Variants in GAST observed in about 807,000 individuals in gnomAD.
The protein encoded by GAST is gastrin.
Under a neutral mutation model 12.5 loss-of-function variants are expected in GAST, and 9 were observed. The ratio of observed to expected loss-of-function variants is 0.72; its 90% confidence interval spans 0.43 to 1.25. The LOEUF (loss-of-function observed/expected upper bound fraction) is 1.25. Among genes scored for constraint, GAST ranks in the 50% most tolerant of loss-of-function variants. The probability of loss-of-function intolerance (pLI) is 0.00; values close to 1 mark genes in which losing one functional copy is unlikely to be tolerated. For missense variants in GAST, 121 were observed against 127.7 expected, an observed-to-expected ratio of 0.95 and a Z score of 0.25; for synonymous variants, 52 against 51.1, an observed-to-expected ratio of 1.02 and a Z score of -0.08.
intron 1 of GAST, among the ~76,000 whole-genome samples, chr17:41,714,320 A>ACG (rs1910920395): frequency 2.0e-5 from 3 of 152,016 alleles, no homozygotes; most frequent in African/African-American, 7.2e-5. Flanking sequence ...ATACAGGTGC[A>ACG]TGCCACCATG....
chr17:41,714,541 G>A (rs1910925480), intron 1 of GAST, among the ~76,000 whole-genome samples: 1 of 152,142 alleles, frequency 6.6e-6, no homozygotes, highest in Non-Finnish European at 1.5e-5. Flanking sequence ...GGAGGCTGAG[G>A]CGGGAGGATT....
chr17:41,715,441 A>C lies in GAST; in HGVS notation c.5A>C (p.Gln2Pro), dbSNP rs1567773769. M[Q>P]RLCVYVLIFA... ...CTTCTCCCCTTTGCAGACGAGATGC[A>C]GCGACTGTGTGTGTATGTGCTGATC... Residue 2 changes from glutamine to proline, a missense_variant, in exon 2 of 3, where the codon CAG (glutamine) becomes CCG (proline). Physicochemically the swap from Gln to Pro is moderately conservative, Grantham distance 76. Transcript: ENST00000329402. 4 of 1,608,964 alleles carry C rather than the reference A, an allele frequency of 2.5e-6. No individual in the cohort carries two copies. The highest frequency in any genetic ancestry group is 3.4e-6 in the Non-Finnish European group (4 of 1,176,104).
At chr17:41,715,097 G>A (rs1468341702) in intron 1 of GAST, among the ~76,000 whole-genome samples, 15 of 152,016 alleles carry the variant, frequency 9.9e-5, no homozygotes, top group Admixed American at 2.6e-4. Context: ...TCAGGAGTTC[G>A]AGACCAGCCT....
intron 1 of GAST, among the ~76,000 whole-genome samples, chr17:41,713,877 T>C (rs1555585500): frequency 1.3e-5 from 2 of 152,224 alleles, no homozygotes; most frequent in Non-Finnish European, 2.9e-5. Flanking sequence ...TTGAATTTTA[T>C]GTTTGTTTGA....
At chr17:41,713,847 T>A (rs1323748015) in intron 1 of GAST, among the ~76,000 whole-genome samples, 1 of 152,018 alleles carries the variant, frequency 6.6e-6, no homozygotes, top group Non-Finnish European at 1.5e-5. Context: ...AAATAGTGAG[T>A]CCAGGGAATA....
chr17:41,713,832 T>A (rs1041040140), intron 1 of GAST, among the ~76,000 whole-genome samples: 1 of 152,216 alleles, frequency 6.6e-6, no homozygotes, highest in Non-Finnish European at 1.5e-5. Context: ...ACCAAAAGCA[T>A]ACAAAAATAG....
At chr17:41,714,219 C>T in intron 1 of GAST, among the ~76,000 whole-genome samples, 1 of 152,150 alleles carries the variant, frequency 6.6e-6, no homozygotes, top group East Asian at 1.9e-4. Flanking sequence ...GTCGCCCAGG[C>T]TGGAGAGCAG....
At chr17:41,713,839 A>C (rs2143136351) in intron 1 of GAST, among the ~76,000 whole-genome samples, 1 of 152,366 alleles carries the variant, frequency 6.6e-6, no homozygotes, top group African/African-American at 2.4e-5. Context: ...GCATACAAAA[A>C]TAGTGAGTCC....
In GAST at chr17:41,715,419, C is replaced by T. The variant is rs1555585704; in HGVS notation, c.-5-13C>T. On this transcript the variant is annotated splice_polypyrimidine_tract_variant and intron_variant, in intron 1 of 2. Coordinates refer to ENST00000329402, the MANE Select transcript of GAST (RefSeq NM_000805.5). ...AGCCTCACCCTTAAGCTAGTCCCTT[C>T]TCCCCTTTGCAGACGAGATGCAGCG... 3 of 1,602,478 alleles carry T rather than the reference C, an allele frequency of 1.9e-6. No homozygotes were observed. Among genetic ancestry groups the T allele is most frequent in the South Asian group, 2.2e-5 (2 of 90,194 alleles).
chr17:41,715,684 C>G (rs1910963393), intron 2 of GAST, 37 bp downstream of exon 2: 1 of 1,606,130 alleles, frequency 6.2e-7, no homozygotes. Context: ...CCTCACTTGG[C>G]CAGGTTTGGC....
At chr17:41,715,332 T>C in intron 1 of GAST, 100 bp from the exon 2 acceptor site, 1 of 785,330 alleles carries the variant, frequency 1.3e-6, no homozygotes, top group Non-Finnish European at 2.1e-6. Context: ...TGCACACTCA[T>C]CAGCAGGTAG....
rs1324595166 is a variant in GAST, at chr17:41,715,723, C to T, written c.212-55C>T. 1.9e-6 allele frequency: 3 copies of T among 1,596,518 alleles called. No individual in the cohort carries two copies. In the Admixed American group the frequency reaches 5.2e-5, roughly 28 times the overall value. On this transcript the variant is annotated intron_variant, in intron 2 of 2. Transcript: ENST00000329402. ...GGTCTCCCCAGACTGGCTCTGACTT[C>T]AGTTCCTGGAAGGTAGGCATCCTTC...
At chr17:41,713,202 C>G (rs1215002676) in intron 1 of GAST, among the ~76,000 whole-genome samples, 1 of 152,066 alleles carries the variant, frequency 6.6e-6, no homozygotes, top group Admixed American at 6.6e-5. Flanking sequence ...CAGGCGTGAG[C>G]CACTGCACCT....
chr17:41,713,438 CACA>C (rs1321674310), intron 1 of GAST, among the ~76,000 whole-genome samples: 2 of 152,112 alleles, frequency 1.3e-5, no homozygotes, highest in African/African-American at 4.8e-5. Context: ...TGCCTGTGAT[CACA>C]ACACTTTGGG....
In GAST at chr17:41,715,494, G is replaced by A. The variant is rs1555585739; in HGVS notation, c.58G>A (p.Glu20Lys). 6.2e-7 allele frequency: 1 copy of A among 1,613,872 alleles called. No individual in the cohort carries two copies. The highest frequency in any genetic ancestry group is 1.3e-5 in the African/African-American group (1 of 75,044). Residue 20 changes from glutamate to lysine, a missense_variant, in exon 2 of 3, where the codon GAA (glutamate) becomes AAA (lysine). Transcript: ENST00000329402. ...IFALALAAFSEASWKPRSQQP... is the reference protein window; with the variant it reads ...IFALALAAFSKASWKPRSQQP... ...TGCACTGGCTCTGGCCGCCTTCTCTGAAGCTTCTTGGAAGCCCCGCTCCCA... is the reference window on the plus strand; with the variant it reads ...TGCACTGGCTCTGGCCGCCTTCTCTAAAGCTTCTTGGAAGCCCCGCTCCCA...
At chr17:41,715,109 G>A (rs1426007185) in intron 1 of GAST, among the ~76,000 whole-genome samples, 2 of 152,116 alleles carry the variant, frequency 1.3e-5, no homozygotes, top group Non-Finnish European at 2.9e-5. Flanking sequence ...GACCAGCCTG[G>A]CCAACATGGT....
chr17:41,713,101 G>A (rs1910892222), intron 1 of GAST, among the ~76,000 whole-genome samples: 1 of 152,076 alleles, frequency 6.6e-6, no homozygotes, highest in South Asian at 2.1e-4. Context: ...ATTTTTGGTA[G>A]AGACAGAGTT....
intron 2 of GAST, 44 bp from the exon 3 acceptor site, chr17:41,715,734 A>G (rs781969648): frequency 6.3e-7 from 1 of 1,595,968 alleles, no homozygotes; most frequent in Admixed American, 1.8e-5. Context: ...AGTTCCTGGA[A>G]GGTAGGCATC....
chr17:41,713,381 C>T (rs1468504761), intron 1 of GAST, among the ~76,000 whole-genome samples: 1 of 152,080 alleles, frequency 6.6e-6, no homozygotes, highest in Non-Finnish European at 1.5e-5. Context: ...GAAAACCTAA[C>T]AGAAAACCTG....
Sources: gnomAD v4.1 joint callset for allele counts (sites outside exome capture counted in the v4.1 genomes callset) on GRCh38, gnomAD v4.1.1 for gene constraint, MANE v1.5 for transcripts, NCBI Gene and HGNC (gene_info 2026-07-23, HGNC 2026-07-21) for gene names.